DBF4B: variants seen among roughly 807,000 people sequenced by gnomAD.
The protein encoded by DBF4B is protein DBF4 homolog B.
In DBF4B, 49 loss-of-function variants were observed where a neutral mutation model predicts 53.4. The ratio of observed to expected loss-of-function variants is 0.92; its 90% CI spans 0.73 to 1.16. The LOEUF (loss-of-function observed/expected upper bound fraction) is 1.16, where lower values mean the gene tolerates loss of function less well. Among genes scored for constraint, DBF4B ranks in the 50% most tolerant of loss-of-function variants. The pLI is 0.00. For missense variants in DBF4B, 692 were observed against 775.0 expected (o/e 0.89, Z 1.27); for synonymous variants, 257 against 288.7 (o/e 0.89, Z 1.11).
chr17:44,746,645 C>A (rs1976624079), intron 10 of DBF4B, among the ~76,000 whole-genome samples: 1 of 152,012 alleles, frequency 6.6e-6, no homozygotes, highest in South Asian at 2.1e-4. Context: ...ATGGTGAAAC[C>A]CCGTCTCTAC....
chr17:44,725,180 C>T (rs1391968514), intron 3 of DBF4B, among the ~76,000 whole-genome samples: 1 of 149,662 alleles, frequency 6.7e-6, no homozygotes, highest in African/African-American at 2.5e-5. Flanking sequence ...AGTCCAGCTA[C>T]TCAGGAGGCT....
At chr17:44,729,544 A>G (rs981410800) in intron 3 of DBF4B, among the ~76,000 whole-genome samples, 1 of 151,896 alleles carries the variant, frequency 6.6e-6, no homozygotes, top group Non-Finnish European at 1.5e-5. Flanking sequence ...AGCTTACACA[A>G]TCTAGTCTTA....
At chr17:44,730,820 T>C in intron 4 of DBF4B, 145 bp from the exon 5 acceptor site, 2 of 796,564 alleles carry the variant, frequency 2.5e-6, no homozygotes, top group East Asian at 5.3e-5. Context: ...TAGGCTCTCA[T>C]TTCTACCAAT....
At position 44,751,541 on chromosome 17, in the gene DBF4B, G is replaced by A. The variant is rs2049277874; in HGVS notation, c.*288G>A. ...CCAGCCCACCTCGCCAACCACTCTT[G>A]TTGGTTTCCTTCTCAGACTTGCCAC... is the stretch of plus-strand genomic sequence containing the variant. On this transcript the variant is annotated 3_prime_UTR_variant, in exon 14 of 14. Transcript: ENST00000315005. The A allele has an allele frequency of 3.0e-6, 4 of 1,318,242 alleles. No homozygotes were observed. The highest frequency in any genetic ancestry group is 3.9e-6 in the Non-Finnish European group (4 of 1,036,008). 81.7% of individuals were successfully genotyped at this position (1,318,242 alleles called of 1,614,324 possible).
At chr17:44,740,079 T>TA (rs1171951463) in intron 9 of DBF4B, among the ~76,000 whole-genome samples, 7 of 152,176 alleles carry the variant, frequency 4.6e-5, no homozygotes, top group East Asian at 1.9e-4. Context: ...ATTTTTTTTT[T>TA]ATGTGCTGTT....
intron 3 of DBF4B, 81 bp downstream of exon 3, chr17:44,723,103 G>A (rs1973996372): frequency 1.9e-6 from 3 of 1,543,942 alleles, no homozygotes; most frequent in Non-Finnish European, 2.6e-6. Context: ...TATATCTATG[G>A]TTTCCAAGTA....
intron 3 of DBF4B, among the ~76,000 whole-genome samples, chr17:44,726,323 T>TATTTATTTATTTA (rs376910358): frequency 0.016 from 2,392 of 149,774 alleles, 41 homozygotes; most frequent in African/African-American, 0.041. Flanking sequence ...TTTATTTATT[T>TATTTATTTATTTA]ATTTATTTAT....
At chr17:44,731,168 G>C (rs1974801615) in intron 5 of DBF4B, 153 bp downstream of exon 5, 1 of 871,050 alleles carries the variant, frequency 1.1e-6, no homozygotes, top group Non-Finnish European at 1.8e-6. Context: ...TCAGGTAGTG[G>C]AGGCTCAGAC....
intron 13 of DBF4B, chr17:44,748,902 C>CCT (rs1567678227): frequency 7.8e-7 from 1 of 1,290,238 alleles, no homozygotes; most frequent in South Asian, 1.2e-5. Flanking sequence ...CACAGACCTG[C>CCT]CTCTCTCTCC....
At chr17:44,730,220 G>A (rs1331326421) in intron 4 of DBF4B, 124 bp downstream of exon 4, 3 of 1,091,676 alleles carry the variant, frequency 2.7e-6, no homozygotes, top group Non-Finnish European at 3.9e-6. Context: ...TTGAATTCAG[G>A]GACTGAGAAT....
chr17:44,726,297 TTTA>T (rs1974329454), intron 3 of DBF4B, among the ~76,000 whole-genome samples: 3 of 140,288 alleles, frequency 2.1e-5, no homozygotes, highest in Admixed American at 7.1e-5. Context: ...CCCTTTTTTA[TTTA>T]TTTATTTATT....
chr17:44,717,433 G>A (rs952458235), intron 2 of DBF4B, among the ~76,000 whole-genome samples: 8 of 152,128 alleles, frequency 5.3e-5, no homozygotes, highest in South Asian at 2.1e-4. Context: ...CAGGCTGGGC[G>A]TGGTGGCTCA....
At position 44,722,876 on chromosome 17, in the gene DBF4B, C is replaced by G. The variant is rs1489535475; in HGVS notation, c.83-4C>G. ...TTACTTTGCTCCTCTTTATTGTTTT[C>G]TAGGAGTTTCCAGGTGTCTAGGAAA... is the stretch of plus-strand genomic sequence containing the variant. On this transcript the variant is annotated splice_region_variant and splice_polypyrimidine_tract_variant and intron_variant, in intron 2 of 13. Transcript: ENST00000315005. 1.9e-6 allele frequency: 3 copies of G among 1,613,282 alleles called. No homozygotes were observed. Among genetic ancestry groups the G allele is most frequent in the African/African-American group, 2.7e-5 (2 of 74,816 alleles).
intron 2 of DBF4B, among the ~76,000 whole-genome samples, chr17:44,718,292 G>A (rs1259662210): frequency 1.3e-5 from 2 of 151,636 alleles, no homozygotes; most frequent in African/African-American, 4.8e-5. Flanking sequence ...GCATGGTGGT[G>A]TGCGCCTGTA....
In DBF4B at chr17:44,729,969, C is replaced by T; in HGVS notation, c.290C>T (p.Ala97Val). The T allele has an allele frequency of 6.2e-7, 1 of 1,614,038 alleles. No homozygotes were observed. The highest frequency in any genetic ancestry group is 8.5e-7 in the Non-Finnish European group (1 of 1,180,024). Residue 97 changes from alanine to valine, a missense_variant, in exon 4 of 14, where the codon GCA becomes GTA. Ala to Val is a moderately conservative substitution (Grantham distance 64, BLOSUM62 0). Coordinates refer to ENST00000315005, the MANE Select transcript of DBF4B (RefSeq NM_145663.3). ...YIVSSRREVK[A>V]ESSGKSHRGC... ...GTGTCCAGCCGCAGAGAAGTAAAGGCAGAGAGCAGTGGGAAAAGCCATAGA... is the reference window on the plus strand; with the variant it reads ...GTGTCCAGCCGCAGAGAAGTAAAGGTAGAGAGCAGTGGGAAAAGCCATAGA...
chr17:44,748,310 C>A, intron 12 of DBF4B, 31 bp from the exon 13 acceptor site: 1 of 1,559,422 alleles, frequency 6.4e-7, no homozygotes. Flanking sequence ...GAAGTTGAAA[C>A]CTGCAGCTCA....
chr17:44,736,941 G>T (rs1248025094), intron 8 of DBF4B, 75 bp downstream of exon 8: 2 of 1,535,400 alleles, frequency 1.3e-6, no homozygotes, highest in African/African-American at 2.7e-5. Context: ...TCCCTCTGTG[G>T]CAGCATCTGC....
chr17:44,711,691 GT>G (rs1369619913), intron 2 of DBF4B, among the ~76,000 whole-genome samples: 2 of 152,106 alleles, frequency 1.3e-5, no homozygotes, highest in Non-Finnish European at 2.9e-5. Flanking sequence ...GCTGACACCT[GT>G]AATCCCAGCA....
Position 44,749,610 on chromosome 17 carries a change from T to G in DBF4B, c.1190-985T>G. 8.4e-7 allele frequency: 1 copy of G among 1,188,004 alleles called. No homozygotes were observed. Among genetic ancestry groups the G allele is most frequent in the Non-Finnish European group, 1.1e-6 (1 of 940,614 alleles). 73.6% of individuals were successfully genotyped at this position (1,188,004 alleles called of 1,614,324 possible). On this transcript the variant is annotated intron_variant, in intron 13 of 13. Transcript: ENST00000315005. The surrounding 1 kb of genome is among the most constrained non-coding windows in gnomAD (Gnocchi z 4.4). ...GCTGCCCTCTCCTACCCCTGCCTCC[T>G]GCCATGTTCCTGACCAGGCAGAGTC...
Sources: gnomAD v4.1 joint callset for allele counts (sites outside exome capture counted in the v4.1 genomes callset) on GRCh38, gnomAD v4.1.1 for gene constraint, Gnocchi (gnomAD v3.1) non-coding constraint, MANE v1.5 for transcripts, NCBI Gene and HGNC (gene_info 2026-07-23, HGNC 2026-07-21) for gene names.